Variants in UBE3A observed in about 807,000 individuals in gnomAD.
UBE3A encodes the protein ubiquitin protein ligase E3A.
A neutral mutation model predicts 83.4 loss-of-function variants in UBE3A; 6 were observed. The observed-to-expected ratio is 0.07, with a 90% CI of 0.04 to 0.14. The LOEUF (loss-of-function observed/expected upper bound fraction) is 0.14, where lower values mean the gene tolerates loss of function less well. Ranked by LOEUF, UBE3A falls within the 10% of genes least tolerant of loss-of-function variation. The pLI is 1.00. For synonymous variants in UBE3A, 337 were observed against 355.4 expected, an observed-to-expected ratio of 0.95 and a Z score of 0.58; for missense variants, 456 against 1,036.1, an observed-to-expected ratio of 0.44 and a Z score of 7.69.
chr15:25,364,328 G>A (rs1018919718), intron 6 of UBE3A, among the ~76,000 whole-genome samples: 12 of 152,004 alleles, frequency 7.9e-5, no homozygotes, highest in African/African-American at 2.9e-4. Flanking sequence ...GGCCATTATT[G>A]CATAAACAGC....
intron 7 of UBE3A, among the ~76,000 whole-genome samples, chr15:25,359,294 T>C (rs2077661432): frequency 6.6e-6 from 1 of 152,228 alleles, no homozygotes; most frequent in Non-Finnish European, 1.5e-5. Context: ...ATGAAGTTTA[T>C]AATTTTCTAT....
At chr15:25,417,916 A>C (rs1292994583) in intron 1 of UBE3A, 2 of 151,890 alleles carry the variant, frequency 1.3e-5, no homozygotes, top group African/African-American at 4.8e-5. Context: ...AGATTCAAAA[A>C]GAAAAAAAAA....
At chr15:25,380,136 C>T (rs933912949) in intron 4 of UBE3A, among the ~76,000 whole-genome samples, 3 of 152,088 alleles carry the variant, frequency 2.0e-5, no homozygotes, top group African/African-American at 7.2e-5. Flanking sequence ...CTTTTGCATC[C>T]TTCTCATTTT....
chr15:25,341,285 TG>T (rs1485996659), intron 11 of UBE3A, among the ~76,000 whole-genome samples: 28 of 151,804 alleles, frequency 1.8e-4, no homozygotes, highest in Middle Eastern at 3.4e-3. Context: ...TTAGCCAGGA[TG>T]GGTCTCGATC....
At chr15:25,362,422 T>C (rs2078265536) in intron 6 of UBE3A, among the ~76,000 whole-genome samples, 1 of 152,228 alleles carries the variant, frequency 6.6e-6, no homozygotes, top group Admixed American at 6.5e-5. Flanking sequence ...CCATAACTTT[T>C]AACCTTTAAA....
chr15:25,352,335 A>G (rs1224909407), intron 11 of UBE3A, among the ~76,000 whole-genome samples: 1 of 152,246 alleles, frequency 6.6e-6, no homozygotes, highest in Non-Finnish European at 1.5e-5. Context: ...AATACCAACC[A>G]AAATATCTAT....
At chr15:25,391,316 G>C (rs1262890547) in intron 4 of UBE3A, among the ~76,000 whole-genome samples, 1 of 152,178 alleles carries the variant, frequency 6.6e-6, no homozygotes, top group Admixed American at 6.5e-5. Flanking sequence ...GCAAAAAGTA[G>C]AATGGCATTT....
intron 4 of UBE3A, among the ~76,000 whole-genome samples, chr15:25,384,176 T>G (rs750410961): frequency 6.6e-6 from 1 of 152,024 alleles, no homozygotes; most frequent in African/African-American, 2.4e-5. Context: ...TTAAACAACA[T>G]AGGCCGGACG....
chr15:25,402,899 CA>C (rs1472156899), intron 4 of UBE3A, among the ~76,000 whole-genome samples: 1 of 152,192 alleles, frequency 6.6e-6, no homozygotes, highest in Admixed American at 6.5e-5. Flanking sequence ...ATGAGTGCTG[CA>C]AAGTGCTAGT....
intron 11 of UBE3A, among the ~76,000 whole-genome samples, chr15:25,349,861 T>C (rs2076242377): frequency 6.6e-6 from 1 of 152,060 alleles, no homozygotes; most frequent in Non-Finnish European, 1.5e-5. Context: ...AGACTAAAAG[T>C]GGTGGGTAGT....
intron 6 of UBE3A, among the ~76,000 whole-genome samples, chr15:25,364,036 T>TATAAATA (rs1555395195): frequency 7.3e-6 from 1 of 137,600 alleles, no homozygotes; most frequent in East Asian, 2.1e-4. Flanking sequence ...TACAAAAAAC[T>TATAAATA]AATAAATAAA....
At chr15:25,412,461 G>A (rs769417877) in intron 1 of UBE3A, among the ~76,000 whole-genome samples, 1 of 152,146 alleles carries the variant, frequency 6.6e-6, no homozygotes, top group Non-Finnish European at 1.5e-5. Context: ...CAGAGAAAAT[G>A]CGTTAAAAAG....
intron 4 of UBE3A, among the ~76,000 whole-genome samples, chr15:25,384,226 A>G (rs2082684605): frequency 6.6e-6 from 1 of 152,082 alleles, no homozygotes; most frequent in Non-Finnish European, 1.5e-5. Flanking sequence ...TTGGGAGGCC[A>G]AGGTGGGCTG....
intron 4 of UBE3A, among the ~76,000 whole-genome samples, chr15:25,399,359 C>A (rs1483758020): frequency 6.6e-6 from 1 of 152,068 alleles, no homozygotes; most frequent in African/African-American, 2.4e-5. Flanking sequence ...AGACCTTAAT[C>A]CATTTTAACT....
intron 1 of UBE3A, chr15:25,418,304 G>A (rs1182904629): frequency 6.6e-6 from 1 of 151,918 alleles, no homozygotes; most frequent in African/African-American, 2.4e-5. Context: ...CAAGAAAAAA[G>A]AAACATATAT....
At chr15:25,341,679 C>T (rs1317665070) in intron 11 of UBE3A, among the ~76,000 whole-genome samples, 1 of 146,370 alleles carries the variant, frequency 6.8e-6, no homozygotes, top group Non-Finnish European at 1.5e-5. Flanking sequence ...AGAAGAATTG[C>T]TTGAACATGG....
chr15:25,397,620 A>G (rs940975085), intron 4 of UBE3A, among the ~76,000 whole-genome samples: 27 of 152,146 alleles, frequency 1.8e-4, no homozygotes, highest in African/African-American at 5.8e-4. Flanking sequence ...AAAACTCCTA[A>G]GTCCACCATT....
intron 1 of UBE3A, among the ~76,000 whole-genome samples, chr15:25,431,541 C>T (rs569297429): frequency 2.0e-5 from 3 of 152,054 alleles, no homozygotes; most frequent in South Asian, 2.1e-4. Context: ...CAGGGTTTCA[C>T]CATGTTGGCC....
Position 25,409,180 on chromosome 15 carries a change from C to T in UBE3A, c.-73G>A. On this transcript the variant is annotated 5_prime_UTR_variant, in exon 3 of 13. Coordinates refer to ENST00000648336, the MANE Select transcript of UBE3A (RefSeq NM_130839.5). ...GGTTGTCACACCAGTCTAGCTGCTA[C>T]CTTGATCTGAGCGTAGGCTTAATAA... is the stretch of plus-strand genomic sequence containing the variant. 6.8e-7 allele frequency: 1 copy of T among 1,466,860 alleles called. No homozygotes were observed. Among genetic ancestry groups the T allele is most frequent in the Non-Finnish European group, 9.4e-7 (1 of 1,061,826 alleles). The allele number at this position is 1,466,860 out of a possible 1,614,324, so 90.9% of individuals were successfully genotyped here. A position where few individuals can be genotyped will look rare whatever the true frequency, so the allele number is the denominator to read the frequency against.
Sources: gnomAD v4.1 joint callset for allele counts (sites outside exome capture counted in the v4.1 genomes callset) on GRCh38, gnomAD v4.1.1 for gene constraint, MANE v1.5 for transcripts, NCBI Gene and HGNC (gene_info 2026-07-23, HGNC 2026-07-21) for gene names.